The following INPP4B variants were observed in gnomAD, a reference collection of about 807,000 sequenced individuals.
INPP4B encodes the protein inositol polyphosphate 4-phosphatase type II.
Under a neutral mutation model 122.5 loss-of-function variants are expected in INPP4B, and 55 were observed. The ratio of observed to expected loss-of-function variants is 0.45; its 90% confidence interval spans 0.36 to 0.56. The LOEUF (loss-of-function observed/expected upper bound fraction) is 0.56. Ranked by LOEUF, INPP4B falls within the 20% of genes least tolerant of loss-of-function variation. The pLI, the probability that INPP4B is intolerant of heterozygous loss-of-function variation, is 0.00. For synonymous variants in INPP4B, 403 were observed against 388.7 expected, an observed-to-expected ratio of 1.04 and a Z score of -0.43; for missense variants, 1,000 against 1,097.7, an observed-to-expected ratio of 0.91 and a Z score of 1.26.
intron 25 of INPP4B, among the ~76,000 whole-genome samples, chr4:142,062,999 C>G (rs916708123): frequency 6.6e-6 from 1 of 152,108 alleles, no homozygotes; most frequent in African/African-American, 2.4e-5. Flanking sequence ...AAATACTGAA[C>G]CTTGAATTTA....
chr4:142,535,685 ATTG>A (rs1828106211), intron 2 of INPP4B, among the ~76,000 whole-genome samples: 1 of 152,116 alleles, frequency 6.6e-6, no homozygotes, highest in African/African-American at 2.4e-5. Flanking sequence ...CATTATAATT[ATTG>A]TTATGATAAT....
At chr4:142,491,935 C>T (rs539182490) in intron 2 of INPP4B, among the ~76,000 whole-genome samples, 1 of 152,214 alleles carries the variant, frequency 6.6e-6, no homozygotes, top group South Asian at 2.1e-4. Flanking sequence ...AGTAACTTGA[C>T]ATGGTTTGGC....
chr4:142,522,888 C>T (rs974734108), intron 2 of INPP4B, among the ~76,000 whole-genome samples: 1 of 152,028 alleles, frequency 6.6e-6, no homozygotes, highest in East Asian at 1.9e-4. Context: ...AAGTGGCTAC[C>T]ACAGTAACTT....
At chr4:142,556,709 GA>G (rs35034437) in intron 2 of INPP4B, among the ~76,000 whole-genome samples, 36,483 of 151,656 alleles carry the variant, frequency 0.24, 5,500 homozygotes, top group East Asian at 0.77. Context: ...TGTTATTTAG[GA>G]AAAAAAATGT....
intron 7 of INPP4B, among the ~76,000 whole-genome samples, chr4:142,391,573 AAAACAAAAC>A (rs1169617536): frequency 4.0e-5 from 6 of 149,682 alleles, no homozygotes; most frequent in South Asian, 2.1e-4. Flanking sequence ...AAACAAACAA[AAAACAAAAC>A]AAACAAAACA....
intron 12 of INPP4B, among the ~76,000 whole-genome samples, chr4:142,226,337 T>G (rs1183054414): frequency 6.6e-6 from 1 of 152,154 alleles, no homozygotes; most frequent in African/African-American, 2.4e-5. Flanking sequence ...CACCCATAAT[T>G]ACTCCACAAT....
intron 25 of INPP4B, among the ~76,000 whole-genome samples, chr4:142,055,046 CACTT>C (rs142724102): frequency 8.5e-5 from 13 of 152,094 alleles, no homozygotes; most frequent in African/African-American, 2.6e-4. Flanking sequence ...TGTTAGACTC[CACTT>C]ACTTACTAGT....
intron 11 of INPP4B, among the ~76,000 whole-genome samples, chr4:142,258,309 TA>T (rs1158516335): frequency 6.6e-6 from 1 of 151,914 alleles, no homozygotes; most frequent in Non-Finnish European, 1.5e-5. Context: ...ACTTCATGTC[TA>T]AAACACCAAA....
At chr4:142,235,646 C>T (rs2149927025) in intron 12 of INPP4B, among the ~76,000 whole-genome samples, 1 of 152,244 alleles carries the variant, frequency 6.6e-6, no homozygotes, top group East Asian at 1.9e-4. Flanking sequence ...AGGATGGTCT[C>T]GATCTCCTGA....
chr4:142,569,293 ATT>A (rs141880193), intron 2 of INPP4B, among the ~76,000 whole-genome samples: 8 of 143,996 alleles, frequency 5.6e-5, no homozygotes, highest in Admixed American at 7.0e-5. Context: ...ATAAACATGG[ATT>A]TTTTTTTTTT....
At chr4:142,199,170 G>A (rs998300559) in intron 14 of INPP4B, among the ~76,000 whole-genome samples, 1 of 151,964 alleles carries the variant, frequency 6.6e-6, no homozygotes, top group Non-Finnish European at 1.5e-5. Flanking sequence ...GGAAATCATT[G>A]TAATGTTGTA....
chr4:142,195,214 G>A (rs1053883709), intron 14 of INPP4B, among the ~76,000 whole-genome samples: 1 of 152,160 alleles, frequency 6.6e-6, no homozygotes, highest in African/African-American at 2.4e-5. Flanking sequence ...CACTCCACTT[G>A]CATGAGGTTT....
chr4:142,148,781 A>G (rs1812181660), intron 17 of INPP4B, among the ~76,000 whole-genome samples: 2 of 152,208 alleles, frequency 1.3e-5, no homozygotes, highest in South Asian at 4.1e-4. Context: ...AAGCATGTTC[A>G]TTGGCTAAAA....
At chr4:142,645,531 T>C (rs1197319178) in intron 2 of INPP4B, among the ~76,000 whole-genome samples, 1 of 152,220 alleles carries the variant, frequency 6.6e-6, no homozygotes, top group African/African-American at 2.4e-5. Flanking sequence ...TAGAATGTGA[T>C]GTTTGCAACT....
At chr4:142,701,889 A>G (rs1194590678) in intron 2 of INPP4B, among the ~76,000 whole-genome samples, 1 of 152,214 alleles carries the variant, frequency 6.6e-6, no homozygotes, top group Non-Finnish European at 1.5e-5. Context: ...ATTTACTCAA[A>G]TATTCTAGAT....
At chr4:142,707,569 C>G (rs1229154124) in intron 2 of INPP4B, among the ~76,000 whole-genome samples, 1 of 152,208 alleles carries the variant, frequency 6.6e-6, no homozygotes, top group Non-Finnish European at 1.5e-5. Context: ...GCACCTCCCC[C>G]TTCACCCTCT....
At chr4:142,748,338 A>G (rs1004825393) in intron 1 of INPP4B, among the ~76,000 whole-genome samples, 7 of 152,042 alleles carry the variant, frequency 4.6e-5, no homozygotes, top group African/African-American at 1.4e-4. Flanking sequence ...GAAAAAAGGA[A>G]GAGCAATTTG....
intron 2 of INPP4B, among the ~76,000 whole-genome samples, chr4:142,565,568 A>C (rs1731450893): frequency 6.6e-6 from 1 of 152,224 alleles, no homozygotes. Context: ...TTATTGAACC[A>C]GAAAATTACC....
At chr4:142,565,325 T>G (rs577651537) in intron 2 of INPP4B, among the ~76,000 whole-genome samples, 7 of 152,144 alleles carry the variant, frequency 4.6e-5, no homozygotes, top group African/African-American at 7.2e-5. Flanking sequence ...TAGGCACATT[T>G]CAAAAAGACA....
Sources: gnomAD v4.1 joint callset for allele counts (sites outside exome capture counted in the v4.1 genomes callset) on GRCh38, gnomAD v4.1.1 for gene constraint, MANE v1.5 for transcripts, NCBI Gene and HGNC (gene_info 2026-07-23, HGNC 2026-07-21) for gene names.